Variants in TNIK observed in about 807,000 individuals in gnomAD.
The protein encoded by TNIK is TRAF2 and NCK interacting kinase, also known as TRAF2 and NCK-interacting protein kinase.
A neutral mutation model predicts 191.3 loss-of-function variants in TNIK; 49 were observed. The observed-to-expected ratio is 0.26, with a 90% CI of 0.20 to 0.32. TNIK has a LOEUF of 0.32. TNIK is among the 10% of genes least tolerant of loss of function. The pLI is 1.00. For synonymous variants in TNIK, 594 were observed against 600.9 expected (o/e 0.99, Z 0.17); for missense variants, 1,155 against 1,702.3 (o/e 0.68, Z 5.66).
chr3:171,079,642 ATTC>A lies in TNIK; in HGVS notation c.3321_3323del (p.Lys1107del). 2 of 1,609,760 alleles carry A rather than the reference ATTC, an allele frequency of 1.2e-6. No individual in the cohort carries two copies. The highest frequency in any genetic ancestry group is 8.5e-7 in the Non-Finnish European group (1 of 1,177,924). On this transcript the variant is annotated inframe_deletion, in exon 28 of 33. Coordinates refer to ENST00000436636, the MANE Select transcript of TNIK (RefSeq NM_015028.4). The stretch of plus-strand genomic sequence containing the variant: ...ATGAAAGATAGTAAACTCGTAGCTT[ATTC>A]TTCTTTCCTGTTGAAATAATAGAGG...
intron 2 of TNIK, among the ~76,000 whole-genome samples, chr3:171,235,490 C>T (rs533763971): frequency 6.6e-6 from 1 of 152,292 alleles, no homozygotes; most frequent in Admixed American, 6.5e-5. Context: ...AATAGCCTTC[C>T]CTATCCCCTG....
intron 10 of TNIK, among the ~76,000 whole-genome samples, chr3:171,164,515 A>T (rs925618545): frequency 3.9e-5 from 6 of 152,240 alleles, no homozygotes; most frequent in African/African-American, 1.4e-4. Context: ...AGATATTAGT[A>T]GTATACTCTC....
chr3:171,256,924 G>A (rs1746949379), intron 2 of TNIK, among the ~76,000 whole-genome samples: 1 of 152,144 alleles, frequency 6.6e-6, no homozygotes, highest in Non-Finnish European at 1.5e-5. Context: ...AAAACATCAG[G>A]AGCAGAATAA....
At chr3:171,146,593 C>A (rs996020170) in intron 12 of TNIK, among the ~76,000 whole-genome samples, 3 of 152,104 alleles carry the variant, frequency 2.0e-5, no homozygotes, top group African/African-American at 7.2e-5. Flanking sequence ...CACGTAGCAG[C>A]GCTCTGTAAA....
At chr3:171,264,242 TACTATTC>T (rs1301987408) in intron 2 of TNIK, among the ~76,000 whole-genome samples, 6 of 151,654 alleles carry the variant, frequency 4.0e-5, no homozygotes, top group African/African-American at 1.2e-4. Flanking sequence ...TCACTGAACT[TACTATTC>T]ACTATTCACT....
chr3:171,083,939 A>AT (rs1721009885), intron 26 of TNIK, among the ~76,000 whole-genome samples: 1 of 152,056 alleles, frequency 6.6e-6, no homozygotes, highest in African/African-American at 2.4e-5. Flanking sequence ...TCTGAATCTA[A>AT]TCTCGTCTTC....
intron 3 of TNIK, among the ~76,000 whole-genome samples, chr3:171,222,616 TTTTTC>T (rs939041742): frequency 6.6e-6 from 1 of 152,156 alleles, no homozygotes; most frequent in Non-Finnish European, 1.5e-5. Context: ...GATGAAAAGA[TTTTTC>T]TTTTCTTTTT....
chr3:171,084,482 T>G (rs528660145), intron 25 of TNIK, among the ~76,000 whole-genome samples, 157 bp from the exon 26 acceptor site: 80 of 152,292 alleles, frequency 5.3e-4, no homozygotes, highest in Non-Finnish European at 9.9e-4. Context: ...TTTTTTGTTT[T>G]AGTAGAATAA....
chr3:171,146,307 T>C (rs12487442), intron 12 of TNIK, among the ~76,000 whole-genome samples: 11,312 of 152,292 alleles, frequency 0.074, 453 homozygotes, highest in Middle Eastern at 0.16. Flanking sequence ...TAAGCCACCT[T>C]AACTCCTCCT....
At chr3:171,076,535 G>A (rs758206860) in intron 28 of TNIK, among the ~76,000 whole-genome samples, 24 of 152,248 alleles carry the variant, frequency 1.6e-4, no homozygotes, top group African/African-American at 5.8e-4. Flanking sequence ...GGTGTCTAAA[G>A]TTCCTCCGCC....
In TNIK at chr3:171,195,721, T is replaced by C. The variant is rs114787063; in HGVS notation, c.307-1086A>G. Among the ~76,000 whole-genome samples, 510 of 152,316 alleles carry C rather than the reference T, an allele frequency of 3.3e-3. 4 individuals carry two copies. Among genetic ancestry groups the C allele is most frequent in the African/African-American group, 0.012 (500 of 41,576 alleles). On this transcript the variant is annotated intron_variant, in intron 4 of 32. Coordinates refer to ENST00000436636, the MANE Select transcript of TNIK (RefSeq NM_015028.4). ...TGAGTTTCCAAAGCCTGTTCTGACT[T>C]GTCTTCTTATGATTCCACAACGGCT...
In TNIK at chr3:171,460,136, A is replaced by G. The variant is rs975689579; in HGVS notation, c.-73T>C. ...TCCCTTGGAAATTCCACCTTGGTCT[A>G]TTTCACTCGCGTCCTCATGCGGGTG... is the stretch of plus-strand genomic sequence containing the variant. On this transcript the variant is annotated 5_prime_UTR_variant, in exon 1 of 33. The change abolishes the stop of an existing upstream ORF in the 5' untranslated region. Transcript: ENST00000436636. The surrounding 1 kb of genome is among the most constrained non-coding windows in gnomAD (Gnocchi z 6.8). 1.4e-5 allele frequency: 21 copies of G among 1,542,956 alleles called. No individual in the cohort carries two copies. The highest frequency in any genetic ancestry group is 8.2e-5 in the African/African-American group (6 of 72,972).
At chr3:171,081,176 A>G (rs191791602) in intron 27 of TNIK, among the ~76,000 whole-genome samples, 1 of 152,336 alleles carries the variant, frequency 6.6e-6, no homozygotes. Context: ...GATTAAACTC[A>G]AATGGCAATA....
At chr3:171,094,497 C>A (rs528283613) in intron 22 of TNIK, among the ~76,000 whole-genome samples, 14 of 152,232 alleles carry the variant, frequency 9.2e-5, no homozygotes, top group African/African-American at 2.4e-4. Flanking sequence ...GCAGCATCCC[C>A]TCTTGACCTA....
At chr3:171,404,528 GT>G (rs933967968) in intron 1 of TNIK, among the ~76,000 whole-genome samples, 54 of 142,442 alleles carry the variant, frequency 3.8e-4, no homozygotes, top group East Asian at 4.1e-4. Flanking sequence ...CCTTGAGTTT[GT>G]TTTTTTTTTT....
chr3:171,391,616 A>G (rs1239384161), intron 1 of TNIK, among the ~76,000 whole-genome samples: 4 of 152,182 alleles, frequency 2.6e-5, no homozygotes, highest in Non-Finnish European at 5.9e-5. Context: ...TTCTCTTGTC[A>G]TATTGCCACA....
chr3:171,272,129 T>A (rs1749179539), intron 2 of TNIK, among the ~76,000 whole-genome samples: 1 of 152,206 alleles, frequency 6.6e-6, no homozygotes, highest in African/African-American at 2.4e-5. Flanking sequence ...CAAACTAGCT[T>A]CCTCTGCTGG....
At chr3:171,404,877 C>T (rs948462387) in intron 1 of TNIK, among the ~76,000 whole-genome samples, 7 of 152,146 alleles carry the variant, frequency 4.6e-5, no homozygotes, top group African/African-American at 1.7e-4. Context: ...AGTATTTTCT[C>T]TATGCCAAGC....
chr3:171,157,153 G>C (rs1478770821), intron 12 of TNIK, among the ~76,000 whole-genome samples: 1 of 152,190 alleles, frequency 6.6e-6, no homozygotes, highest in East Asian at 1.9e-4. Flanking sequence ...CAGGGAAATA[G>C]GACATGCTGG....
Sources: gnomAD v4.1 joint callset for allele counts (sites outside exome capture counted in the v4.1 genomes callset) on GRCh38, gnomAD v4.1.1 for gene constraint, Gnocchi (gnomAD v3.1) non-coding constraint, MANE v1.5 for transcripts, NCBI Gene and HGNC (gene_info 2026-07-23, HGNC 2026-07-21) for gene names.